The following FER variants were observed in gnomAD, a reference collection of about 807,000 sequenced individuals.
FER encodes the protein FER tyrosine kinase.
In FER, 63 loss-of-function variants were observed where a neutral mutation model predicts 111.0. That is an observed-to-expected ratio of 0.57 (90% confidence interval 0.46 to 0.70). The LOEUF is 0.70. Ranked by LOEUF, FER falls within the 30% of genes least tolerant of loss-of-function variation. FER has a pLI of 0.00. For missense variants in FER, 914 were observed against 954.0 expected, an observed-to-expected ratio of 0.96 and a Z score of 0.55; for synonymous variants, 327 against 313.9, an observed-to-expected ratio of 1.04 and a Z score of -0.44.
At chr5:108,868,642 A>T (rs1464708760) in intron 6 of FER, among the ~76,000 whole-genome samples, 1 of 152,130 alleles carries the variant, frequency 6.6e-6, no homozygotes, top group Non-Finnish European at 1.5e-5. Context: ...CTTCAATGTT[A>T]GAGTTGCTGT....
rs1464561291 is a variant in FER at position 108,879,679 on chromosome 5, TA to T, written c.924-3716del. 4.8e-5 allele frequency among the ~76,000 whole-genome samples: 6 copies of T among 123,808 alleles called. No homozygotes were observed. In the South Asian group the frequency reaches 7.3e-4, roughly 15 times the overall value. The allele number at this position is 123,808 out of a possible 152,430, so 81.2% of individuals were successfully genotyped here. A position where few individuals can be genotyped will look rare whatever the true frequency, so the allele number is the denominator to read the frequency against. ...AAAGAGTAAATACTTTCACCATATG[TA>T]TTTTTTTTAGATTAAAAAAAAATAT... On this transcript the variant is annotated intron_variant, in intron 8 of 19. Transcript: ENST00000281092.
At chr5:108,947,476 T>C (rs1757141112) in intron 11 of FER, among the ~76,000 whole-genome samples, 1 of 152,124 alleles carries the variant, frequency 6.6e-6, no homozygotes, top group African/African-American at 2.4e-5. Flanking sequence ...TTTCATGTTC[T>C]TATTGGCAGC....
Position 109,196,385 on chromosome 5 carries a change from G to C in FER, c.*8810G>C, listed in dbSNP as rs529716183. 6.6e-6 allele frequency: 1 copy of C among 152,284 alleles called. No homozygotes were observed. Among genetic ancestry groups the C allele is most frequent in the African/African-American group, 2.4e-5 (1 of 41,564 alleles). The allele number at this position is 152,284 out of a possible 1,614,324, so 9.4% of individuals were successfully genotyped here. On this transcript the variant is annotated 3_prime_UTR_variant, in exon 20 of 20. Coordinates refer to ENST00000281092, the MANE Select transcript of FER (RefSeq NM_005246.4). ...CGATTTATGGTCCATTTAATGTTAGGCTAAAGCACCTTTAATCATTTTTGT... is the reference window on the plus strand; with the variant it reads ...CGATTTATGGTCCATTTAATGTTAGCCTAAAGCACCTTTAATCATTTTTGT...
At chr5:108,896,639 A>C (rs903696354) in intron 9 of FER, among the ~76,000 whole-genome samples, 1 of 152,192 alleles carries the variant, frequency 6.6e-6, no homozygotes, top group Non-Finnish European at 1.5e-5. Flanking sequence ...CTGAGGTTGC[A>C]CTGTGCTCAA....
chr5:108,930,195 A>G (rs1030570381), intron 10 of FER, among the ~76,000 whole-genome samples: 2 of 151,582 alleles, frequency 1.3e-5, no homozygotes, highest in African/African-American at 4.9e-5. Context: ...AATGTTTTGT[A>G]GAGACACAGT....
intron 16 of FER, among the ~76,000 whole-genome samples, chr5:109,049,136 G>T (rs1420369453): frequency 2.6e-5 from 4 of 152,174 alleles, no homozygotes; most frequent in African/African-American, 4.8e-5. Flanking sequence ...TTTGATTTAT[G>T]TAAATGTATT....
At chr5:109,039,213 G>GT (rs200232099) in intron 14 of FER, among the ~76,000 whole-genome samples, 184 of 146,158 alleles carry the variant, frequency 1.3e-3, no homozygotes, top group East Asian at 4.0e-3. Context: ...AACGCTGAGG[G>GT]TTTTTTTTTT....
At chr5:109,037,829 A>G (rs1259333634) in intron 14 of FER, among the ~76,000 whole-genome samples, 1 of 151,962 alleles carries the variant, frequency 6.6e-6, no homozygotes, top group Non-Finnish European at 1.5e-5. Context: ...TAAATACCTA[A>G]TAGTCTTGTT....
At chr5:108,968,158 G>A (rs1459631941) in intron 13 of FER, among the ~76,000 whole-genome samples, 2 of 152,220 alleles carry the variant, frequency 1.3e-5, no homozygotes, top group South Asian at 2.1e-4. Context: ...GGAGGCAAAG[G>A]CAGGTATCAC....
chr5:108,924,521 G>C, intron 10 of FER: 2 of 1,016,774 alleles, frequency 2.0e-6, no homozygotes, highest in Non-Finnish European at 2.5e-6. Context: ...ATACTTCCAT[G>C]CCAACAGGGG....
chr5:108,931,915 T>A (rs992273680), intron 10 of FER, among the ~76,000 whole-genome samples: 1 of 152,142 alleles, frequency 6.6e-6, no homozygotes, highest in African/African-American at 2.4e-5. Context: ...TGGTAATTGT[T>A]CAAATATAGG....
intron 13 of FER, among the ~76,000 whole-genome samples, chr5:109,011,904 T>G (rs767891418): frequency 1.3e-5 from 2 of 152,258 alleles, no homozygotes; most frequent in Non-Finnish European, 2.9e-5. Context: ...CTTTAGCCTC[T>G]GTTTCTGACA....
intron 17 of FER, among the ~76,000 whole-genome samples, chr5:109,115,561 A>T (rs1392644552): frequency 6.6e-6 from 1 of 152,162 alleles, no homozygotes; most frequent in Non-Finnish European, 1.5e-5. Context: ...CAAGTTATTC[A>T]ACCTAAAATT....
chr5:109,180,929 A>G, intron 18 of FER, 28 bp downstream of exon 18: 1 of 1,473,174 alleles, frequency 6.8e-7, no homozygotes, highest in Non-Finnish European at 9.2e-7. Context: ...TTTTTTTTTA[A>G]TGGTAAAAAT....
intron 2 of FER, among the ~76,000 whole-genome samples, chr5:108,784,719 GGAAACAAAGGGATGGGCT>G (rs931628732): frequency 9.2e-5 from 14 of 152,322 alleles, no homozygotes; most frequent in African/African-American, 2.9e-4. Context: ...ATTCCTTACG[GGAAACAAAGGGATGGGCT>G]GAAACAAAGG....
At chr5:108,980,350 G>A (rs1171771125) in intron 13 of FER, among the ~76,000 whole-genome samples, 9 of 151,952 alleles carry the variant, frequency 5.9e-5, no homozygotes, top group Admixed American at 4.6e-4. Flanking sequence ...AAAAGAGGAA[G>A]GCCATAGAGA....
chr5:109,038,702 C>G (rs955785321), intron 14 of FER, among the ~76,000 whole-genome samples: 2 of 151,820 alleles, frequency 1.3e-5, no homozygotes, highest in Admixed American at 6.6e-5. Flanking sequence ...CTAGGTAACT[C>G]AGTAGCAGTG....
chr5:108,940,549 C>A (rs563821564), intron 10 of FER, among the ~76,000 whole-genome samples: 16 of 152,156 alleles, frequency 1.1e-4, no homozygotes, highest in African/African-American at 3.6e-4. Flanking sequence ...AAAAAATAGA[C>A]CCATGATTAC....
chr5:109,112,664 G>A (rs1366314027), intron 17 of FER, among the ~76,000 whole-genome samples: 3 of 152,108 alleles, frequency 2.0e-5, no homozygotes, highest in Non-Finnish European at 4.4e-5. Context: ...TAGCTGGTGT[G>A]TTTCGACCTT....
Sources: gnomAD v4.1 joint callset for allele counts (sites outside exome capture counted in the v4.1 genomes callset) on GRCh38, gnomAD v4.1.1 for gene constraint, MANE v1.5 for transcripts, NCBI Gene and HGNC (gene_info 2026-07-23, HGNC 2026-07-21) for gene names.